The following JPH1 variants were observed in gnomAD, a reference collection of about 807,000 sequenced individuals.
JPH1 encodes junctophilin 1.
A neutral mutation model predicts 53.6 loss-of-function variants in JPH1; 12 were observed. The ratio of observed to expected loss-of-function variants is 0.22; its 90% CI spans 0.14 to 0.36. The LOEUF (loss-of-function observed/expected upper bound fraction) is 0.36. JPH1 is among the 10% of genes least tolerant of loss of function. The pLI is 1.00. For missense variants in JPH1, 808 were observed against 905.5 expected (o/e 0.89, Z 1.38); for synonymous variants, 375 against 363.8 (o/e 1.03, Z -0.35).
At position 74,236,431 on chromosome 8, in the gene JPH1, G is replaced by A. The variant is rs867114582; in HGVS notation, c.*620C>T. ...TGAACAGAGTCGTGCACAAGCAAAC[G>A]AAACGTTCTCTCCCAGAACATTCCA... is the stretch of plus-strand genomic sequence containing the variant. On this transcript the variant is annotated 3_prime_UTR_variant, in exon 6 of 6. Coordinates refer to ENST00000342232, the MANE Select transcript of JPH1 (RefSeq NM_020647.4). 6.6e-6 allele frequency: 1 copy of A among 152,468 alleles called. No homozygotes were observed. The allele number at this position is 152,468 out of a possible 1,614,324, so 9.4% of individuals were successfully genotyped here. A position where few individuals can be genotyped will look rare whatever the true frequency, so the allele number is the denominator to read the frequency against.
At chr8:74,282,627 G>C (rs1266492661) in intron 2 of JPH1, among the ~76,000 whole-genome samples, 2 of 152,186 alleles carry the variant, frequency 1.3e-5, no homozygotes, top group Non-Finnish European at 2.9e-5. Flanking sequence ...TAGAAGTAGA[G>C]AGTAAAATAG....
intron 2 of JPH1, among the ~76,000 whole-genome samples, chr8:74,304,690 A>G (rs1174310653): frequency 6.6e-6 from 1 of 152,260 alleles, no homozygotes; most frequent in Non-Finnish European, 1.5e-5. Flanking sequence ...ACTGAGATCA[A>G]AATTCTATTG....
intron 5 of JPH1, 57 bp from the exon 6 acceptor site, chr8:74,237,092 A>G: frequency 1.5e-6 from 1 of 673,524 alleles, no homozygotes; most frequent in South Asian, 2.0e-5. Flanking sequence ...ACATTCAGGC[A>G]TAGCCAAAAT....
In JPH1 at chr8:74,255,126, G is replaced by A. The variant is rs903364732; in HGVS notation, c.1258+4259C>T. On this transcript the variant is annotated intron_variant, in intron 3 of 5. Coordinates refer to ENST00000342232, the MANE Select transcript of JPH1 (RefSeq NM_020647.4). Reference sequence around the variant, plus strand: ...AAAAGAACAAAGCTGGAGGCATCACGCTACCTGACTTCAAACTATACTATA... The same window carrying A: ...AAAAGAACAAAGCTGGAGGCATCACACTACCTGACTTCAAACTATACTATA... 5.9e-3 allele frequency among the ~76,000 whole-genome samples: 895 copies of A among 152,166 alleles called. 8 individuals are homozygous for A. The highest frequency in any genetic ancestry group is 9.5e-3 in the Non-Finnish European group (648 of 68,016).
chr8:74,255,196 G>C (rs1479463512), intron 3 of JPH1, among the ~76,000 whole-genome samples: 1 of 152,052 alleles, frequency 6.6e-6, no homozygotes, highest in Non-Finnish European at 1.5e-5. Context: ...CCAAAACAGA[G>C]ATATAGACCA....
intron 3 of JPH1, among the ~76,000 whole-genome samples, chr8:74,255,203 A>T (rs1806183850): frequency 6.6e-6 from 1 of 152,120 alleles, no homozygotes; most frequent in Non-Finnish European, 1.5e-5. Context: ...AGAGATATAG[A>T]CCAATGGAAC....
intron 4 of JPH1, among the ~76,000 whole-genome samples, chr8:74,239,947 T>C (rs1009367536): frequency 6.6e-6 from 1 of 152,164 alleles, no homozygotes; most frequent in Non-Finnish European, 1.5e-5. Context: ...ATTCTTTGTG[T>C]TCCAAACAAT....
intron 4 of JPH1, among the ~76,000 whole-genome samples, chr8:74,244,254 T>C (rs4738438): frequency 0.62 from 94,945 of 151,992 alleles, 31,844 homozygotes; most frequent in Non-Finnish European, 0.74. Flanking sequence ...CTTGCTAAAA[T>C]GTGCTAAGAT....
At chr8:74,250,166 G>C (rs1425975404) in intron 3 of JPH1, among the ~76,000 whole-genome samples, 1 of 143,974 alleles carries the variant, frequency 6.9e-6, no homozygotes, top group Non-Finnish European at 1.5e-5. Flanking sequence ...ACGGAGTCTT[G>C]CTCTGTCACC....
intron 2 of JPH1, among the ~76,000 whole-genome samples, chr8:74,272,600 C>CTTTTTTTTTTTTTT (rs765158506): frequency 8.9e-6 from 1 of 112,684 alleles, no homozygotes. Context: ...ACCCTTAGTT[C>CTTTTTTTTTTTTTT]TTTTTTTTTT....
In JPH1 at chr8:74,244,988, G is replaced by A. The variant is rs779949364; in HGVS notation, c.1446C>T (p.Pro482=). 6.2e-7 allele frequency: 1 copy of A among 1,613,990 alleles called. No individual in the cohort carries two copies. The highest frequency in any genetic ancestry group is 1.7e-5 in the Admixed American group (1 of 60,018). The part of the protein sequence containing the change: ...HSHSPASSPK[P]LKKQNPSSGA... ...CTGAGCTGGGGTTTTGCTTCTTCAG[G>A]GGCTTTGGGGAGGAAGCAGGAGAGT... Residue 482 remains proline (P), a synonymous_variant, in exon 4 of 6, where the codon CCC becomes CCT. Coordinates refer to ENST00000342232, the MANE Select transcript of JPH1 (RefSeq NM_020647.4).
In JPH1 at chr8:74,236,510, C is replaced by T. The variant is rs1807001004; in HGVS notation, c.*541G>A. On this transcript the variant is annotated 3_prime_UTR_variant, in exon 6 of 6. Coordinates refer to ENST00000342232, the MANE Select transcript of JPH1 (RefSeq NM_020647.4). ...TAAGACTGGTGAGTGATGCTGCTACCTATTTCTTCTAATGAGATAGGAGTG... is the reference window on the plus strand; with the variant it reads ...TAAGACTGGTGAGTGATGCTGCTACTTATTTCTTCTAATGAGATAGGAGTG... 6.6e-6 allele frequency: 1 copy of T among 152,576 alleles called. No homozygotes were observed. Among genetic ancestry groups the T allele is most frequent in the Admixed American group, 6.6e-5 (1 of 15,266 alleles). 9.5% of individuals were successfully genotyped at this position (152,576 alleles called of 1,614,324 possible).
intron 2 of JPH1, among the ~76,000 whole-genome samples, chr8:74,310,607 A>G (rs1807965261): frequency 6.6e-6 from 1 of 152,142 alleles, no homozygotes; most frequent in Non-Finnish European, 1.5e-5. Context: ...CTTCTGAAAC[A>G]AGCCTCCTGT....
At chr8:74,262,283 G>C (rs1279402526) in intron 2 of JPH1, among the ~76,000 whole-genome samples, 1 of 152,172 alleles carries the variant, frequency 6.6e-6, no homozygotes, top group Admixed American at 6.5e-5. Context: ...TTTTGCCCAG[G>C]AATAATCTGG....
rs960918838 is a variant in JPH1 at position 74,315,429 on chromosome 8, C to A, written c.571G>T (p.Gly191Cys). 2.5e-6 allele frequency: 4 copies of A among 1,611,622 alleles called. No homozygotes were observed. The highest frequency in any genetic ancestry group is 3.4e-6 in the Non-Finnish European group (4 of 1,179,552). ...GCGTGGAAGTTGAGCACGAAACCGC[C>A]GCGGGTGCCGGCCGGGCTGTCGGCG... ...AAADSPAGTR[G>C]GFVLNFHADA... is the part of the protein sequence containing the mutation. Residue 191 changes from glycine (G) to cysteine (C), a missense_variant, in exon 2 of 6, where the codon GGC becomes TGC. Physicochemically the swap from Gly to Cys is radical, Grantham distance 159. Coordinates refer to ENST00000342232, the MANE Select transcript of JPH1 (RefSeq NM_020647.4). The surrounding 1 kb of genome is among the most constrained non-coding windows in gnomAD (Gnocchi z 6.3).
At chr8:74,282,336 T>G (rs542735579) in intron 2 of JPH1, among the ~76,000 whole-genome samples, 1 of 152,336 alleles carries the variant, frequency 6.6e-6, no homozygotes, top group East Asian at 1.9e-4. Context: ...ATTCAAAAGA[T>G]GTGTGAATAT....
Position 74,315,748 on chromosome 8 carries a change from G to T in JPH1, c.380-128C>A. 1.1e-6 allele frequency: 1 copy of T among 887,698 alleles called. No individual in the cohort carries two copies. Among genetic ancestry groups the T allele is most frequent in the Non-Finnish European group, 1.6e-6 (1 of 621,138 alleles). 55.0% of individuals were successfully genotyped at this position (887,698 alleles called of 1,614,324 possible). On this transcript the variant is annotated intron_variant, in intron 1 of 5. Transcript: ENST00000342232. The surrounding 1 kb of genome is among the most constrained non-coding windows in gnomAD (Gnocchi z 6.3). Reference sequence around the variant, plus strand: ...GACCCATTTCCAAGTCAACCCTGGGGGATACTTTGCATCCACTTGTGAATC... The same window carrying T: ...GACCCATTTCCAAGTCAACCCTGGGTGATACTTTGCATCCACTTGTGAATC...
Position 74,315,270 on chromosome 8 carries a change from C to A in JPH1, c.730G>T (p.Ala244Ser). ...TCGCTGGAACTAATTCTGCTCATGG[C>A]CGCGTCGCTGCGGACAGAGCTGCGC... is the stretch of plus-strand genomic sequence containing the variant. ...SKRSSVRSDA[A>S]MSRISSSDAN... Residue 244 changes from alanine to serine, a missense_variant, in exon 2 of 6, where the codon GCC becomes TCC. By Grantham distance (99) the Ala-to-Ser change is moderately conservative. This residue lies in a region of JPH1 where 756 missense variants were observed against 811.9 expected (regional missense o/e 0.93). Coordinates refer to ENST00000342232, the MANE Select transcript of JPH1 (RefSeq NM_020647.4). The surrounding 1 kb of genome is among the most constrained non-coding windows in gnomAD (Gnocchi z 6.3). The A allele has an allele frequency of 6.2e-7, 1 of 1,614,158 alleles. No individual in the cohort carries two copies. Among genetic ancestry groups the A allele is most frequent in the Non-Finnish European group, 8.5e-7 (1 of 1,180,038 alleles).
chr8:74,239,766 T>A (rs942680054), intron 4 of JPH1, among the ~76,000 whole-genome samples: 1 of 152,184 alleles, frequency 6.6e-6, no homozygotes, highest in Non-Finnish European at 1.5e-5. Flanking sequence ...AATGCTGCAA[T>A]GAGAATTTCC....
Sources: allele counts gnomAD v4.1 joint callset (sites outside exome capture counted in the v4.1 genomes callset), GRCh38; gene constraint gnomAD v4.1.1; regional missense constraint gnomAD v4.1.1; non-coding constraint Gnocchi (gnomAD v3.1); transcripts MANE v1.5; gene names NCBI Gene and HGNC (gene_info 2026-07-23, HGNC 2026-07-21).